The following SEC23A variants were observed in gnomAD, a reference collection of about 807,000 sequenced individuals.
SEC23A encodes SEC23 homolog A, COPII component.
In SEC23A, 56 loss-of-function variants were observed where a neutral mutation model predicts 103.7. The ratio of observed to expected loss-of-function variants is 0.54; its 90% CI spans 0.44 to 0.67. The LOEUF (loss-of-function observed/expected upper bound fraction) is 0.67. Ranked by LOEUF, SEC23A falls within the 30% of genes least tolerant of loss-of-function variation. SEC23A has a pLI of 0.00. For missense variants in SEC23A, 784 were observed against 936.4 expected, an observed-to-expected ratio of 0.84 and a Z score of 2.12; for synonymous variants, 281 against 293.0, an observed-to-expected ratio of 0.96 and a Z score of 0.42.
At chr14:39,101,519 G>A (rs565339328) in intron 1 of SEC23A, among the ~76,000 whole-genome samples, 2 of 151,930 alleles carry the variant, frequency 1.3e-5, no homozygotes, top group South Asian at 2.1e-4. Flanking sequence ...TCAGGCGGCT[G>A]AGACAGGAGA....
At chr14:39,051,688 G>C (rs1329977115) in intron 14 of SEC23A, among the ~76,000 whole-genome samples, 1 of 152,136 alleles carries the variant, frequency 6.6e-6, no homozygotes, top group African/African-American at 2.4e-5. Context: ...GACTAGCCGG[G>C]CGTGGTGGTT....
chr14:39,059,051 A>G (rs1886357765), intron 13 of SEC23A, among the ~76,000 whole-genome samples: 1 of 152,128 alleles, frequency 6.6e-6, no homozygotes, highest in Non-Finnish European at 1.5e-5. Flanking sequence ...GTGGGCTCTT[A>G]AAGTCAAGTT....
intron 17 of SEC23A, chr14:39,041,325 G>A (rs1885627657): frequency 7.3e-6 from 1 of 137,210 alleles, no homozygotes; most frequent in African/African-American, 2.7e-5. Context: ...TTATACCTCT[G>A]TATAAAACAA....
intron 10 of SEC23A, 52 bp from the exon 11 acceptor site, chr14:39,065,045 G>A (rs372928784): frequency 1.1e-4 from 121 of 1,121,860 alleles, no homozygotes; most frequent in Non-Finnish European, 1.6e-4. Context: ...ACGTTCAAAT[G>A]TTCAACTACA....
rs1189819999 is a variant in SEC23A, at chr14:39,094,434, ATATATATATTTTTTTT to A, written c.222-1206_222-1191del. On this transcript the variant is annotated intron_variant, in intron 2 of 19. Coordinates refer to ENST00000307712, the MANE Select transcript of SEC23A (RefSeq NM_006364.4). ...TATATATATATATATATATATATAT[ATATATATATTTTTTTT>A]TTTTTTTTTTCCCCTCCTGTAGAAA... Among the ~76,000 whole-genome samples the A allele has an allele frequency of 6.4e-3, 192 of 29,852 alleles. 23 individuals are homozygous for A. The East Asian group carries it at 0.074, about 11-fold the overall frequency. The allele number at this position is 29,852 out of a possible 152,430, so 19.6% of individuals were successfully genotyped here.
Position 39,033,026 on chromosome 14 carries a change from C to A in SEC23A, c.*213G>T. 1.8e-6 allele frequency: 1 copy of A among 561,218 alleles called. No homozygotes were observed. The highest frequency in any genetic ancestry group is 2.2e-5 in the South Asian group (1 of 45,828). The allele number at this position is 561,218 out of a possible 1,614,324, so 34.8% of individuals were successfully genotyped here. On this transcript the variant is annotated 3_prime_UTR_variant, in exon 20 of 20. Transcript: ENST00000307712. ...CAAATTTCTAGAACCAGCTATAACA[C>A]TGTGGTAAGCAAAATAAATTTGTTC... is the stretch of plus-strand genomic sequence containing the variant.
intron 1 of SEC23A, among the ~76,000 whole-genome samples, chr14:39,101,967 C>A (rs1160822469): frequency 6.6e-6 from 1 of 152,180 alleles, no homozygotes; most frequent in Non-Finnish European, 1.5e-5. Context: ...CGCAGTGGCT[C>A]ATGCCTGTGA....
chr14:39,071,115 CT>C (rs1886827613), intron 9 of SEC23A, among the ~76,000 whole-genome samples: 2 of 152,080 alleles, frequency 1.3e-5, no homozygotes, highest in African/African-American at 2.4e-5. Context: ...TAATCCTGTA[CT>C]GGACATTCCA....
chr14:39,058,580 TA>T (rs1035417498), intron 13 of SEC23A, among the ~76,000 whole-genome samples: 7 of 152,234 alleles, frequency 4.6e-5, no homozygotes, highest in African/African-American at 1.7e-4. Flanking sequence ...GTGCTGGGAT[TA>T]CAGGCGTGAG....
At chr14:39,100,651 G>A (rs1354017855) in intron 1 of SEC23A, among the ~76,000 whole-genome samples, 1 of 151,964 alleles carries the variant, frequency 6.6e-6, no homozygotes, top group African/African-American at 2.4e-5. Context: ...AACCTCAGGT[G>A]ATCCACCCAC....
At chr14:39,080,691 C>A (rs542927506) in intron 7 of SEC23A, among the ~76,000 whole-genome samples, 1 of 152,284 alleles carries the variant, frequency 6.6e-6, no homozygotes, top group South Asian at 2.1e-4. Context: ...CAGGCATGAG[C>A]CACTGCGCCT....
chr14:39,055,407 AG>A (rs1321385826), intron 13 of SEC23A, 111 bp from the exon 14 acceptor site: 3 of 1,086,366 alleles, frequency 2.8e-6, no homozygotes, highest in African/African-American at 1.9e-5. Context: ...AGAAACTACT[AG>A]GATTTTTTTT....
intron 9 of SEC23A, among the ~76,000 whole-genome samples, chr14:39,073,649 G>T (rs58601678): frequency 8.4e-6 from 1 of 119,564 alleles, no homozygotes; most frequent in African/African-American, 3.3e-5. Context: ...TAACTCTATC[G>T]CCAAGGCTGG....
chr14:39,098,709 G>A (rs1887978806), intron 1 of SEC23A, among the ~76,000 whole-genome samples: 1 of 151,744 alleles, frequency 6.6e-6, no homozygotes, highest in Non-Finnish European at 1.5e-5. Flanking sequence ...GGGAGGTGGA[G>A]GTTGCAGTGA....
At chr14:39,080,674 G>C (rs1887195756) in intron 7 of SEC23A, among the ~76,000 whole-genome samples, 1 of 152,148 alleles carries the variant, frequency 6.6e-6, no homozygotes, top group Non-Finnish European at 1.5e-5. Context: ...CCAAAGTGCT[G>C]GGATTACAGG....
At chr14:39,098,269 C>G (rs967873816) in intron 1 of SEC23A, among the ~76,000 whole-genome samples, 11 of 151,852 alleles carry the variant, frequency 7.2e-5, no homozygotes, top group African/African-American at 2.7e-4. Flanking sequence ...AAAAAACAAC[C>G]AGGACGTGGG....
At chr14:39,102,758 G>T (rs1044281374) in intron 1 of SEC23A, among the ~76,000 whole-genome samples, 1 of 152,150 alleles carries the variant, frequency 6.6e-6, no homozygotes, top group East Asian at 1.9e-4. Flanking sequence ...CAGGAGGTGG[G>T]GGTGGGTGCT....
chr14:39,074,586 T>C (rs117653125), intron 8 of SEC23A, 56 bp from the exon 9 acceptor site: 2 of 1,081,590 alleles, frequency 1.8e-6, no homozygotes, highest in East Asian at 2.5e-5. Flanking sequence ...TAAATCTTTT[T>C]TCCATTAACA....
At chr14:39,051,957 G>T (rs1019492045) in intron 14 of SEC23A, among the ~76,000 whole-genome samples, 1 of 108,956 alleles carries the variant, frequency 9.2e-6, no homozygotes, top group South Asian at 3.1e-4. Context: ...ACAAGGCGAG[G>T]CTCCTTCTCG....
Sources: allele counts gnomAD v4.1 joint callset (sites outside exome capture counted in the v4.1 genomes callset), GRCh38; gene constraint gnomAD v4.1.1; transcripts MANE v1.5; gene names NCBI Gene and HGNC (gene_info 2026-07-23, HGNC 2026-07-21).